The following FGFBP3 variants were observed in gnomAD, a reference collection of about 807,000 sequenced individuals.
FGFBP3 encodes fibroblast growth factor binding protein 3.
A neutral mutation model predicts 4.8 loss-of-function variants in FGFBP3; 4 were observed. That is an observed-to-expected ratio of 0.83 (90% CI 0.41 to 1.90). The LOEUF (loss-of-function observed/expected upper bound fraction) is 1.90. FGFBP3 is among the 40% of genes most tolerant of loss of function. FGFBP3 has a pLI of 0.03. For synonymous variants in FGFBP3, 215 were observed against 190.0 expected (o/e 1.13, Z -1.08); for missense variants, 429 against 397.4 (o/e 1.08, Z -0.68).
Position 91,907,338 on chromosome 10 carries a change from C to G in FGFBP3, c.*855G>C, listed in dbSNP as rs529764589. The stretch of plus-strand genomic sequence containing the variant: ...GTCTGGATGACACAAGACCCTGTCT[C>G]AAAAATAAAAATAAAGTAGCACTTC... On this transcript the variant is annotated 3_prime_UTR_variant, in exon 2 of 2. Transcript: ENST00000311575. 2 of 152,184 alleles carry G rather than the reference C, an allele frequency of 1.3e-5. No individual in the cohort carries two copies. The highest frequency in any genetic ancestry group is 1.3e-4 in the Admixed American group (2 of 15,284). The allele number at this position is 152,184 out of a possible 1,614,324, so 9.4% of individuals were successfully genotyped here. A position where few individuals can be genotyped will look rare whatever the true frequency, so the allele number is the denominator to read the frequency against.
In FGFBP3 at chr10:91,908,070, A is replaced by T; in HGVS notation, c.*123T>A. The stretch of plus-strand genomic sequence containing the variant: ...GCATCTCACCCTTACCCTTGCCCCC[A>T]CCCCCATTCGAGAACCTGGACTTCT... On this transcript the variant is annotated 3_prime_UTR_variant, in exon 2 of 2. Transcript: ENST00000311575. 2 of 798,980 alleles carry T rather than the reference A, an allele frequency of 2.5e-6. No individual in the cohort carries two copies. The highest frequency in any genetic ancestry group is 3.6e-6 in the Non-Finnish European group (2 of 559,124). The allele number at this position is 798,980 out of a possible 1,614,324, so 49.5% of individuals were successfully genotyped here. A position where few individuals can be genotyped will look rare whatever the true frequency, so the allele number is the denominator to read the frequency against.
chr10:91,909,270 G>A (rs1292548506), intron 1 of FGFBP3, 128 bp downstream of exon 1: 1 of 426,452 alleles, frequency 2.3e-6, no homozygotes, highest in Non-Finnish European at 4.1e-6. Flanking sequence ...ATAGCAAAAC[G>A]ATGCGTGATA....
chr10:91,908,605 C>A lies in FGFBP3; in HGVS notation c.365G>T (p.Arg122Met), dbSNP rs1398279869. The A allele has an allele frequency of 2.8e-6, 4 of 1,428,342 alleles. No homozygotes were observed. The African/African-American group carries it at 6.0e-5, about 21-fold the overall frequency. The allele number at this position is 1,428,342 out of a possible 1,614,324, so 88.5% of individuals were successfully genotyped here. Residue 122 changes from arginine (R) to methionine (M), a missense_variant, in exon 2 of 2, where the codon AGG (arginine) becomes ATG (methionine). Coordinates refer to ENST00000311575, the MANE Select transcript of FGFBP3 (RefSeq NM_152429.5). ...QVLGGLRKKR[R>M]PCHDPAPLQA... is the part of the protein sequence containing the mutation. The stretch of plus-strand genomic sequence containing the variant: ...GAGCGGCGCGGGGTCGTGACAGGGC[C>A]TCCGCTTCTTGCGCAGCCCTCCCAG...
Position 91,908,229 on chromosome 10 carries a change from G to A in FGFBP3, c.741C>T (p.Ser247=), listed in dbSNP as rs1170675916. ...AGAAATTGACAAAGAAGTTGCAGAG[G>A]GAGTGCCACTTCTCAGCGCAGTAGG... ...TETYCAEKWH[S]LCNFFVNFWN... is the part of the protein sequence containing the mutation. The change falls in exon 2 of 2, where the codon TCC becomes TCT. Residue 247 remains serine, a synonymous_variant. Coordinates refer to ENST00000311575, the MANE Select transcript of FGFBP3 (RefSeq NM_152429.5). 2.5e-6 allele frequency: 4 copies of A among 1,605,984 alleles called. No individual in the cohort carries two copies. Among genetic ancestry groups the A allele is most frequent in the Admixed American group, 1.7e-5 (1 of 58,912 alleles).
chr10:91,908,915 T>TCAGCAG lies in FGFBP3; in HGVS notation c.49_54dup (p.Leu17_Leu18dup), dbSNP rs370474127. ...CGAGCAGCCGCGAGGAGGCAACCAC[T>TCAGCAG]CAGCAGCAGCAGCAGCGACGGCGAC... is the stretch of plus-strand genomic sequence containing the variant. On this transcript the variant is annotated inframe_insertion, in exon 2 of 2. Transcript: ENST00000311575. 5.6e-6 allele frequency: 9 copies of TCAGCAG among 1,604,244 alleles called. No individual in the cohort carries two copies. The highest frequency in any genetic ancestry group is 2.3e-5 in the East Asian group (1 of 44,384).
Position 91,908,141 on chromosome 10 carries a change from T to C in FGFBP3, c.*52A>G. ...CCCCCCGGTCTAAGACGCCCTTAGC[T>C]TTCCCTTCCCCACGCCTCCCCCATC... On this transcript the variant is annotated 3_prime_UTR_variant, in exon 2 of 2. Coordinates refer to ENST00000311575, the MANE Select transcript of FGFBP3 (RefSeq NM_152429.5). The C allele has an allele frequency of 6.4e-7, 1 of 1,563,860 alleles. No homozygotes were observed.
chr10:91,909,216 T>A (rs1843328453), intron 1 of FGFBP3, 169 bp from the exon 2 acceptor site: 1 of 513,806 alleles, frequency 1.9e-6, no homozygotes, highest in African/African-American at 2.0e-5. Context: ...ATAATCACTT[T>A]CGAACCATGT....
In FGFBP3 at chr10:91,908,246, C is replaced by T. The variant is rs1045147251; in HGVS notation, c.724G>A (p.Ala242Thr). ...TTGCAGAGGGAGTGCCACTTCTCAG[C>T]GCAGTAGGTCTCCGTGAGCTCCGCG... ...GNAELTETYC[A>T]EKWHSLCNFF... is the part of the protein sequence containing the mutation. Residue 242 changes from alanine (A) to threonine (T), a missense_variant, in exon 2 of 2, where the codon GCT becomes ACT. By Grantham distance (58) the Ala-to-Thr change is moderately conservative. Coordinates refer to ENST00000311575, the MANE Select transcript of FGFBP3 (RefSeq NM_152429.5). 2 of 1,606,736 alleles carry T rather than the reference C, an allele frequency of 1.2e-6. No homozygotes were observed. The highest frequency in any genetic ancestry group is 1.3e-5 in the African/African-American group (1 of 74,472).
In FGFBP3 at chr10:91,908,092, T is replaced by C; in HGVS notation, c.*101A>G. ...CCCACCCCCATTCGAGAACCTGGAC[T>C]TCTCCCCAATCTCTATCACAGTACC... On this transcript the variant is annotated 3_prime_UTR_variant, in exon 2 of 2. Coordinates refer to ENST00000311575, the MANE Select transcript of FGFBP3 (RefSeq NM_152429.5). 7.6e-7 allele frequency: 1 copy of C among 1,310,622 alleles called. No homozygotes were observed. Among genetic ancestry groups the C allele is most frequent in the Non-Finnish European group, 1.0e-6 (1 of 988,024 alleles). 81.2% of individuals were successfully genotyped at this position (1,310,622 alleles called of 1,614,324 possible).
rs776022888 is a variant in FGFBP3 at position 91,908,239 on chromosome 10, T to C, written c.731A>G (p.Lys244Arg). ...AAAGAAGTTGCAGAGGGAGTGCCAC[T>C]TCTCAGCGCAGTAGGTCTCCGTGAG... is the stretch of plus-strand genomic sequence containing the variant. ...AELTETYCAE[K>R]WHSLCNFFVN... The change falls in exon 2 of 2, where the codon AAG (lysine) becomes AGG (arginine). Residue 244 changes from lysine to arginine, a missense_variant. Lys to Arg is a conservative substitution (Grantham distance 26). Coordinates refer to ENST00000311575, the MANE Select transcript of FGFBP3 (RefSeq NM_152429.5). The C allele has an allele frequency of 6.2e-7, 1 of 1,607,246 alleles. No individual in the cohort carries two copies. The highest frequency in any genetic ancestry group is 2.3e-5 in the East Asian group (1 of 44,126).
chr10:91,908,110 A>T lies in FGFBP3; in HGVS notation c.*83T>A. The T allele has an allele frequency of 2.0e-6, 3 of 1,467,554 alleles. No homozygotes were observed. Among genetic ancestry groups the T allele is most frequent in the Non-Finnish European group, 2.7e-6 (3 of 1,111,014 alleles). The allele number at this position is 1,467,554 out of a possible 1,614,324, so 90.9% of individuals were successfully genotyped here. On this transcript the variant is annotated 3_prime_UTR_variant, in exon 2 of 2. Transcript: ENST00000311575. ...CCTGGACTTCTCCCCAATCTCTATCACAGTACCCCCCGGTCTAAGACGCCC... is the reference window on the plus strand; with the variant it reads ...CCTGGACTTCTCCCCAATCTCTATCTCAGTACCCCCCGGTCTAAGACGCCC...
Position 91,908,773 on chromosome 10 carries a change from G to A in FGFBP3, c.197C>T (p.Pro66Leu), listed in dbSNP as rs1589713312. 1.4e-6 allele frequency: 2 copies of A among 1,407,504 alleles called. No individual in the cohort carries two copies. Among genetic ancestry groups the A allele is most frequent in the East Asian group, 3.1e-5 (1 of 32,594 alleles). The allele number at this position is 1,407,504 out of a possible 1,614,324, so 87.2% of individuals were successfully genotyped here. ...GCTGCCCGCTGCGGCCTCCGGGGCG[G>A]GCAGCAGGAGCTGCCAGCTGCACGC... ...QHACSWQLLL[P>L]APEAAAGSEL... Residue 66 changes from proline (P) to leucine (L), a missense_variant, in exon 2 of 2, where the codon CCC becomes CTC. Coordinates refer to ENST00000311575, the MANE Select transcript of FGFBP3 (RefSeq NM_152429.5).
rs570576273 is a variant in FGFBP3 at position 91,908,589 on chromosome 10, G to A, written c.381C>T (p.Pro127=). ...CGCACAAGCGGGCCTGGAGCGGCGCGGGGTCGTGACAGGGCCTCCGCTTCT... is the reference window on the plus strand; with the variant it reads ...CGCACAAGCGGGCCTGGAGCGGCGCAGGGTCGTGACAGGGCCTCCGCTTCT... ...LRKKRRPCHD[P]APLQARLCAG... Residue 127 remains proline, a synonymous_variant, in exon 2 of 2, where the codon CCC becomes CCT. Coordinates refer to ENST00000311575, the MANE Select transcript of FGFBP3 (RefSeq NM_152429.5). The A allele has an allele frequency of 1.4e-6, 2 of 1,420,180 alleles. No homozygotes were observed. The highest frequency in any genetic ancestry group is 3.2e-5 in the Admixed American group (1 of 30,802). The allele number at this position is 1,420,180 out of a possible 1,614,324, so 88.0% of individuals were successfully genotyped here. A position where few individuals can be genotyped will look rare whatever the true frequency, so the allele number is the denominator to read the frequency against.
In FGFBP3 at chr10:91,908,650, G is replaced by A. The variant is rs1189174864; in HGVS notation, c.320C>T (p.Ala107Val). 4 of 1,434,820 alleles carry A rather than the reference G, an allele frequency of 2.8e-6. No homozygotes were observed. Among genetic ancestry groups the A allele is most frequent in the Non-Finnish European group, 3.6e-6 (4 of 1,097,548 alleles). 88.9% of individuals were successfully genotyped at this position (1,434,820 alleles called of 1,614,324 possible). The change falls in exon 2 of 2, where the codon GCG (alanine) becomes GTG (valine). Residue 107 changes from alanine to valine, a missense_variant. Coordinates refer to ENST00000311575, the MANE Select transcript of FGFBP3 (RefSeq NM_152429.5). ...ERCAAYAARR[A>V]HFWKQVLGGL... ...TCCCAGCACCTGCTTCCAGAAGTGC[G>A]CGCGGCGAGCGGCGTAGGCTGCGCA... is the stretch of plus-strand genomic sequence containing the variant.
At position 91,909,024 on chromosome 10, in the gene FGFBP3, C is replaced by A; in HGVS notation, c.-55G>T. On this transcript the variant is annotated 5_prime_UTR_variant, in exon 2 of 2. Coordinates refer to ENST00000311575, the MANE Select transcript of FGFBP3 (RefSeq NM_152429.5). ...CAGACCACGTTTGTCGGGGCTGGAC[C>A]AGGCAAAGAGCATTCCCCAGGACCT... 6.6e-7 allele frequency: 1 copy of A among 1,514,334 alleles called. No homozygotes were observed. The highest frequency in any genetic ancestry group is 1.9e-4 in the Middle Eastern group (1 of 5,270). The allele number at this position is 1,514,334 out of a possible 1,614,324, so 93.8% of individuals were successfully genotyped here.
In FGFBP3 at chr10:91,907,126, T is replaced by A. The variant is rs1736730393; in HGVS notation, c.*1067A>T. On this transcript the variant is annotated 3_prime_UTR_variant, in exon 2 of 2. Coordinates refer to ENST00000311575, the MANE Select transcript of FGFBP3 (RefSeq NM_152429.5). ...TCACTGTTTACTGGAGCACTCAACATCTATAATTCCTTCTAAATGCAGAAG... is the reference window on the plus strand; with the variant it reads ...TCACTGTTTACTGGAGCACTCAACAACTATAATTCCTTCTAAATGCAGAAG... 1.3e-5 allele frequency: 2 copies of A among 152,058 alleles called. No homozygotes were observed. Among genetic ancestry groups the A allele is most frequent in the Admixed American group, 6.5e-5 (1 of 15,278 alleles). 9.4% of individuals were successfully genotyped at this position (152,058 alleles called of 1,614,324 possible).
intron 1 of FGFBP3, 40 bp from the exon 2 acceptor site, chr10:91,909,087 C>A: frequency 1.7e-6 from 2 of 1,165,784 alleles, no homozygotes; most frequent in South Asian, 1.6e-5. Flanking sequence ...CTGAGCCACA[C>A]GCAGCGCTTC....
At position 91,908,315 on chromosome 10, in the gene FGFBP3, G is replaced by C. The variant is rs770235150; in HGVS notation, c.655C>G (p.Arg219Gly). Residue 219 changes from arginine to glycine, a missense_variant, in exon 2 of 2, where the codon CGA becomes GGA. Coordinates refer to ENST00000311575, the MANE Select transcript of FGFBP3 (RefSeq NM_152429.5). The part of the protein sequence containing the change: ...RKAALVPNEE[R>G]PMGTGPDPDG... The stretch of plus-strand genomic sequence containing the variant: ...GGGTCGGGCCCGGTCCCCATGGGTC[G>C]CTCCTCGTTGGGGACCAAGGCCGCC... 8 of 1,598,786 alleles carry C rather than the reference G, an allele frequency of 5.0e-6. No individual in the cohort carries two copies. The South Asian group carries it at 7.9e-5, about 16-fold the overall frequency.
Position 91,908,535 on chromosome 10 carries a change from C to T in FGFBP3, c.435G>A (p.Leu145=). ...CAGKKGHGAE[L]RLVPRASPPA... is the part of the protein sequence containing the mutation. ...GCGGGGACGCGCGGGGCACTAGCCG[C>T]AGCTCGGCGCCGTGGCCCTTCTTGC... is the stretch of plus-strand genomic sequence containing the variant. Residue 145 remains leucine (L), a synonymous_variant, in exon 2 of 2, where the codon CTG becomes CTA. Coordinates refer to ENST00000311575, the MANE Select transcript of FGFBP3 (RefSeq NM_152429.5). The T allele has an allele frequency of 7.3e-7, 1 of 1,376,276 alleles. No homozygotes were observed. The allele number at this position is 1,376,276 out of a possible 1,614,324, so 85.3% of individuals were successfully genotyped here.
Sources: allele counts gnomAD v4.1 joint callset, GRCh38; gene constraint gnomAD v4.1.1; transcripts MANE v1.5; gene names NCBI Gene and HGNC (gene_info 2026-07-23, HGNC 2026-07-21).